The following POLR1C variants were observed in gnomAD, a reference collection of about 807,000 sequenced individuals.
POLR1C encodes DNA-directed RNA polymerases I and III subunit RPAC1.
A neutral mutation model predicts 38.3 loss-of-function variants in POLR1C; 42 were observed. That is an observed-to-expected ratio of 1.10 (90% confidence interval 0.86 to 1.42). POLR1C has a LOEUF of 1.42. Among genes scored for constraint, POLR1C ranks in the 40% most tolerant of loss-of-function variants. POLR1C has a pLI of 0.00. For missense variants in POLR1C, 507 were observed against 450.5 expected (o/e 1.13, Z -1.14); for synonymous variants, 163 against 163.9 (o/e 0.99, Z 0.04).
chr6:43,533,763 A>G (rs1486589460), downstream of POLR1C: 2 of 466,652 alleles, frequency 4.3e-6, no homozygotes, highest in Admixed American at 7.1e-5. Flanking sequence ...TGAGTCCAAG[A>G]GTTTGAGCCT....
downstream of POLR1C, chr6:43,526,495 GA>G: frequency 1.6e-6 from 1 of 618,258 alleles, no homozygotes; most frequent in Non-Finnish European, 2.9e-6. Flanking sequence ...TGAGACAGAG[GA>G]AACAGCAAGT....
intron 9 of POLR1C, chr6:43,539,739 A>G (rs1296074691): frequency 1.6e-6 from 1 of 609,078 alleles, no homozygotes; most frequent in African/African-American, 1.9e-5. Flanking sequence ...ACATTTTTCT[A>G]TTCTTGGGAA....
chr6:43,526,583 G>C, intron 8 of POLR1C: 1 of 1,288,206 alleles, frequency 7.8e-7, no homozygotes, highest in Non-Finnish European at 1.1e-6. Flanking sequence ...TACATGTAGG[G>C]TGTCTTCTCC....
intron 10 of POLR1C, among the ~76,000 whole-genome samples, chr6:43,558,185 G>T (rs2127741640): frequency 6.6e-6 from 1 of 152,074 alleles, no homozygotes; most frequent in South Asian, 2.1e-4. Flanking sequence ...TCCACTTTTT[G>T]GGGGAAAGAA....
downstream of POLR1C, among the ~76,000 whole-genome samples, chr6:43,533,200 T>G (rs1455938287): frequency 7.3e-6 from 1 of 137,922 alleles, no homozygotes; most frequent in Non-Finnish European, 1.5e-5. Context: ...CTTTAAAAAC[T>G]TTGATACCTA....
intron 9 of POLR1C, among the ~76,000 whole-genome samples, chr6:43,538,139 CTTTTTT>C (rs1160662301): frequency 7.7e-3 from 375 of 48,948 alleles, no homozygotes; most frequent in African/African-American, 0.029. Flanking sequence ...TAAGAGACAT[CTTTTTT>C]TTTTTTTTTT....
exon 11 of POLR1C, chr6:43,561,892 G>C (rs1762435144): frequency 6.0e-6 from 1 of 166,604 alleles, no homozygotes; most frequent in Non-Finnish European, 1.3e-5. Context: ...ATTGGGAAAA[G>C]AGTTCTTTAT....
intron 10 of POLR1C, among the ~76,000 whole-genome samples, chr6:43,554,156 G>A (rs1323577378): frequency 2.6e-5 from 4 of 152,176 alleles, no homozygotes; most frequent in Non-Finnish European, 4.4e-5. Context: ...ACCCAGGCTG[G>A]AGGGCAGTGG....
intron 10 of POLR1C, chr6:43,560,297 G>A (rs762497493): frequency 6.9e-6 from 11 of 1,605,066 alleles, no homozygotes; most frequent in South Asian, 1.1e-5. Context: ...GTTGAAGAGC[G>A]TAGAAACTAA....
chr6:43,562,085 T>C (rs372847982), exon 11 of POLR1C: 2 of 527,688 alleles, frequency 3.8e-6, no homozygotes, highest in Non-Finnish European at 6.7e-6. Flanking sequence ...CAAACACTAT[T>C]CTATTAAGAT....
chr6:43,526,046 A>G, downstream of POLR1C: 1 of 995,226 alleles, frequency 1.0e-6, no homozygotes, highest in African/African-American at 1.6e-5. Flanking sequence ...GCTAAGTAGT[A>G]CTAGGAGCCC....
chr6:43,547,381 C>T (rs1323413403), intron 9 of POLR1C: 8 of 617,812 alleles, frequency 1.3e-5, no homozygotes, highest in Admixed American at 1.2e-4. Flanking sequence ...TTTAGAGATC[C>T]TTAAAGCCAA....
chr6:43,525,644 C>G, downstream of POLR1C: 1 of 596,002 alleles, frequency 1.7e-6, no homozygotes, highest in Non-Finnish European at 2.9e-6. Flanking sequence ...CTGAGAGCTC[C>G]TGCCTATGCT....
chr6:43,524,111 G>A (rs572331144), downstream of POLR1C: 62 of 1,482,926 alleles, frequency 4.2e-5, no homozygotes, highest in South Asian at 7.6e-4. Context: ...AACACTTTTG[G>A]GAGGCCAAGG....
At chr6:43,523,195 T>C (rs1793304578), downstream of POLR1C, 1 of 170,924 alleles carries the variant, frequency 5.9e-6, no homozygotes, top group African/African-American at 2.4e-5. Flanking sequence ...AAGGGGATGT[T>C]AGCACTAAAG....
intron 3 of POLR1C, 131 bp from the exon 4 acceptor site, chr6:43,519,575 A>G (rs1793029335): frequency 3.4e-6 from 5 of 1,475,608 alleles, no homozygotes; most frequent in South Asian, 2.3e-5. Flanking sequence ...TTACCTTCTC[A>G]TTCTTTGTAA....
At chr6:43,526,615 G>T (rs1793609769) in intron 8 of POLR1C, 3 of 1,569,120 alleles carry the variant, frequency 1.9e-6, no homozygotes, top group Admixed American at 1.8e-5. Context: ...CAAGGAAACT[G>T]ACCTGGTTCA....
intron 9 of POLR1C, among the ~76,000 whole-genome samples, chr6:43,542,581 T>C (rs1260565557): frequency 1.3e-5 from 2 of 151,938 alleles, no homozygotes; most frequent in African/African-American, 4.8e-5. Context: ...AGCTAATTTT[T>C]TTTGTTGGTG....
downstream of POLR1C, chr6:43,523,853 G>A (rs746915857): frequency 5.6e-6 from 9 of 1,613,850 alleles, no homozygotes; most frequent in Non-Finnish European, 6.8e-6. Flanking sequence ...GAGGAAGGAT[G>A]CCCAAAAGCT....
Sources: gnomAD v4.1 joint callset for allele counts (sites outside exome capture counted in the v4.1 genomes callset) on GRCh38, gnomAD v4.1.1 for gene constraint, MANE v1.5 for transcripts, NCBI Gene and HGNC (gene_info 2026-07-23, HGNC 2026-07-21) for gene names.